DDX6: variants seen among roughly 807,000 people sequenced by gnomAD.
DDX6 encodes DEAD-box helicase 6, also known as probable ATP-dependent RNA helicase DDX6.
DDX6 carries 7 observed loss-of-function variants against 60.6 expected under a neutral mutation model. The observed-to-expected ratio is 0.12, with a 90% confidence interval of 0.07 to 0.22. DDX6 has a LOEUF of 0.22. Among genes scored for constraint, DDX6 ranks in the 10% least tolerant of loss-of-function variants. DDX6 has a pLI of 1.00. For synonymous variants in DDX6, 207 were observed against 201.0 expected, an observed-to-expected ratio of 1.03 and a Z score of -0.25; for missense variants, 270 against 589.9, an observed-to-expected ratio of 0.46 and a Z score of 5.62.
chr11:118,778,899 G>C lies in DDX6; in HGVS notation c.369+733C>G, dbSNP rs143251793. On this transcript the variant is annotated intron_variant, in intron 4 of 13. Transcript: ENST00000534980. ...AATGTACTATTAATAAAAAAAGGGGGCCAGGCATGGTGGCTAATGTCTGTA... is the reference window on the plus strand; with the variant it reads ...AATGTACTATTAATAAAAAAAGGGGCCCAGGCATGGTGGCTAATGTCTGTA... Among the ~76,000 whole-genome samples, 345 of 152,170 alleles carry C rather than the reference G, an allele frequency of 2.3e-3. 1 individual carries two copies. The highest frequency in any genetic ancestry group is 4.1e-3 in the Non-Finnish European group (280 of 68,004).
intron 9 of DDX6, among the ~76,000 whole-genome samples, 162 bp from the exon 10 acceptor site, chr11:118,757,449 T>C (rs1323969443): frequency 6.6e-6 from 1 of 152,168 alleles, no homozygotes; most frequent in East Asian, 1.9e-4. Context: ...TTGTAAATAA[T>C]AGATGGAAGA....
chr11:118,771,274 G>A (rs891064050), intron 4 of DDX6, among the ~76,000 whole-genome samples: 4 of 148,342 alleles, frequency 2.7e-5, no homozygotes, highest in African/African-American at 7.4e-5. Context: ...AGGCAGAACA[G>A]AATTAGACTA....
At chr11:118,771,671 CA>C (rs1555162598) in intron 4 of DDX6, among the ~76,000 whole-genome samples, 1 of 152,220 alleles carries the variant, frequency 6.6e-6, no homozygotes, top group African/African-American at 2.4e-5. Flanking sequence ...ATGTGCTCAG[CA>C]CAACTTTCAA....
chr11:118,762,473 T>C (rs1555160464), intron 7 of DDX6, among the ~76,000 whole-genome samples: 1 of 143,960 alleles, frequency 6.9e-6, no homozygotes. Flanking sequence ...CCTTTAAACA[T>C]GCTCCACTTA....
At chr11:118,776,248 T>TAGG (rs1861695465) in intron 4 of DDX6, among the ~76,000 whole-genome samples, 1 of 152,226 alleles carries the variant, frequency 6.6e-6, no homozygotes, top group African/African-American at 2.4e-5. Context: ...TATCACGTAC[T>TAGG]AGGCATTGTA....
rs974179205 is a variant in DDX6 at position 118,760,372 on chromosome 11, A to T, written c.742-328T>A. Among the ~76,000 whole-genome samples the T allele has an allele frequency of 5.3e-5, 8 of 152,134 alleles. 1 individual carries two copies. In the South Asian group the frequency reaches 6.2e-4, roughly 12 times the overall value. On this transcript the variant is annotated intron_variant, in intron 7 of 13. Transcript: ENST00000534980. ...AGCTGGAGTGCAGTGGCATAATCGT[A>T]TCTCACTGCAGCCTGAACTTCCTGG...
At position 118,782,731 on chromosome 11, in the gene DDX6, C is replaced by T. The variant is rs1284928317; in HGVS notation, c.201-1547G>A. ...TGATCTCGGCTTACTGCAACCTCCA[C>T]CTCCCGGGGTTCAAGCAATTCTCCT... On this transcript the variant is annotated intron_variant, in intron 2 of 13. Transcript: ENST00000534980. Among the ~76,000 whole-genome samples the T allele has an allele frequency of 2.0e-5, 3 of 151,806 alleles. No individual in the cohort carries two copies. The East Asian group carries it at 5.8e-4, about 29-fold the overall frequency.
intron 1 of DDX6, chr11:118,788,108 C>G (rs1257310019): frequency 6.6e-6 from 1 of 151,716 alleles, no homozygotes; most frequent in Non-Finnish European, 1.5e-5. Flanking sequence ...GTCAGGAGTT[C>G]AAGACCACCT....
intron 2 of DDX6, among the ~76,000 whole-genome samples, chr11:118,781,608 C>T (rs1340882772): frequency 6.6e-6 from 1 of 152,290 alleles, no homozygotes; most frequent in East Asian, 1.9e-4. Flanking sequence ...GTGTGAGCCA[C>T]CATGGCCGGC....
Position 118,752,988 on chromosome 11 carries a change from G to T in DDX6, c.*8-891C>A, listed in dbSNP as rs535516714. Reference sequence around the variant, plus strand: ...AAATCAGAGTGGGTATTTTATTTATGTATTTGACGGAGTTTCACTCTTATT... The same window carrying T: ...AAATCAGAGTGGGTATTTTATTTATTTATTTGACGGAGTTTCACTCTTATT... On this transcript the variant is annotated intron_variant, in intron 13 of 13. Transcript: ENST00000534980. 9.2e-5 allele frequency among the ~76,000 whole-genome samples: 14 copies of T among 152,228 alleles called. 1 individual carries two copies. The highest frequency in any genetic ancestry group is 2.1e-4 in the South Asian group (1 of 4,810).
intron 1 of DDX6, chr11:118,787,707 G>A (rs1009600636): frequency 2.6e-5 from 4 of 152,162 alleles, no homozygotes; most frequent in African/African-American, 9.6e-5. Context: ...AACAATAAAT[G>A]AAGCAGTCAA....
chr11:118,778,073 A>G (rs753963963), intron 4 of DDX6, among the ~76,000 whole-genome samples: 18 of 152,046 alleles, frequency 1.2e-4, no homozygotes, highest in Non-Finnish European at 1.0e-4. Context: ...GTCCATACTG[A>G]TAACAGATAT....
Position 118,786,111 on chromosome 11 carries a change from G to A in DDX6, c.141C>T (p.Asn47=). Residue 47 remains asparagine, a synonymous_variant, in exon 2 of 14, where the codon AAC becomes AAT. Transcript: ENST00000534980. ...GAGTGCCATTATTGATTGTGTTGGT[G>A]TTTTTCAGCTGGTTCATCTGTTGCT... The part of the protein sequence containing the change: ...QTQQQMNQLK[N]TNTINNGTQQ... 2 of 1,613,978 alleles carry A rather than the reference G, an allele frequency of 1.2e-6. No individual in the cohort carries two copies. Among genetic ancestry groups the A allele is most frequent in the Non-Finnish European group, 1.7e-6 (2 of 1,179,876 alleles).
intron 1 of DDX6, chr11:118,788,809 C>T (rs1011682268): frequency 2.6e-5 from 4 of 151,824 alleles, no homozygotes; most frequent in African/African-American, 9.7e-5. Context: ...CATGCCTTAG[C>T]CTCCCAAGTA....
chr11:118,761,862 A>G (rs1254468112), intron 7 of DDX6, among the ~76,000 whole-genome samples: 3 of 4,278 alleles, frequency 7.0e-4, no homozygotes, highest in Non-Finnish European at 1.7e-3. Flanking sequence ...AATTAAATGG[A>G]AAAAAAAAAA....
intron 3 of DDX6, 43 bp from the exon 4 acceptor site, chr11:118,779,779 T>C (rs1239798628): frequency 3.6e-6 from 5 of 1,386,640 alleles, no homozygotes; most frequent in African/African-American, 1.4e-5. Context: ...AATAACACTG[T>C]TGGTAAATTT....
Position 118,786,207 on chromosome 11 carries a change from G to A in DDX6, c.45C>T (p.Ser15=). ...GGCCTCTCAGCTGACCATTTTGACT[G>A]GACAGACCCATTATAACAGGGTTCT... is the stretch of plus-strand genomic sequence containing the variant. ...RTENPVIMGL[S]SQNGQLRGPV... is the part of the protein sequence containing the mutation. Residue 15 remains serine, a synonymous_variant, in exon 2 of 14, where the codon TCC becomes TCT. Transcript: ENST00000534980. The A allele has an allele frequency of 6.2e-7, 1 of 1,613,742 alleles. No homozygotes were observed. Among genetic ancestry groups the A allele is most frequent in the Non-Finnish European group, 8.5e-7 (1 of 1,179,802 alleles).
chr11:118,760,580 T>C (rs1236415517), intron 7 of DDX6, among the ~76,000 whole-genome samples: 2 of 152,062 alleles, frequency 1.3e-5, no homozygotes, highest in African/African-American at 2.4e-5. Context: ...CCCAGCACTT[T>C]GGGAGGCCGA....
chr11:118,755,975 AC>A (rs1555158748), intron 11 of DDX6, among the ~76,000 whole-genome samples: 2 of 144,916 alleles, frequency 1.4e-5, no homozygotes, highest in East Asian at 4.1e-4. Context: ...CCAAGATCGC[AC>A]CACTGCACTC....
Sources: allele counts gnomAD v4.1 joint callset (sites outside exome capture counted in the v4.1 genomes callset), GRCh38; gene constraint gnomAD v4.1.1; transcripts MANE v1.5; gene names NCBI Gene and HGNC (gene_info 2026-07-23, HGNC 2026-07-21).